FMN2: variants seen among roughly 807,000 people sequenced by gnomAD.
FMN2 encodes formin-2.
FMN2 carries 51 observed loss-of-function variants against 142.3 expected under a neutral mutation model. The ratio of observed to expected loss-of-function variants is 0.36; its 90% CI spans 0.29 to 0.45. FMN2 has a LOEUF of 0.45. FMN2 is among the 20% of genes least tolerant of loss of function. FMN2 has a pLI of 1.00. For synonymous variants in FMN2, 882 were observed against 869.8 expected (o/e 1.01, Z -0.25); for missense variants, 1,936 against 2,122.8 (o/e 0.91, Z 1.73).
Position 240,207,073 on chromosome 1 carries a change from T to A in FMN2, c.2261T>A (p.Val754Glu), listed in dbSNP as rs748864588. ...IQTSPTEEGG[V>E]LTLPPVDGLP... The stretch of plus-strand genomic sequence containing the variant: ...ACTTCCCCCACGGAAGAGGGCGGGG[T>A]GCTGACACTGCCTCCTGTGGATGGG... The change falls in exon 5 of 18, where the codon GTG becomes GAG. Residue 754 changes from valine (V) to glutamate (E), a missense_variant. Coordinates refer to ENST00000319653, the MANE Select transcript of FMN2 (RefSeq NM_020066.5). The A allele has an allele frequency of 2.5e-6, 4 of 1,614,038 alleles. No homozygotes were observed. In the Admixed American group the frequency reaches 6.7e-5, roughly 27 times the overall value.
chr1:240,320,529 C>T (rs147620390), intron 8 of FMN2, among the ~76,000 whole-genome samples: 1 of 152,158 alleles, frequency 6.6e-6, no homozygotes, highest in Non-Finnish European at 1.5e-5. Flanking sequence ...GACCTGGGAC[C>T]GATAGCTAAA....
intron 6 of FMN2, among the ~76,000 whole-genome samples, chr1:240,242,077 C>T (rs1011795033): frequency 6.6e-6 from 1 of 152,032 alleles, no homozygotes; most frequent in Admixed American, 6.6e-5. Flanking sequence ...GATCTCCTGA[C>T]CTCGTGATCC....
chr1:240,306,358 C>A (rs1046677863), intron 8 of FMN2, among the ~76,000 whole-genome samples: 1 of 152,144 alleles, frequency 6.6e-6, no homozygotes, highest in African/African-American at 2.4e-5. Context: ...GTTTGGGCTT[C>A]CGTTAATCCC....
intron 7 of FMN2, among the ~76,000 whole-genome samples, chr1:240,288,997 C>T (rs909983913): frequency 2.0e-5 from 3 of 152,164 alleles, no homozygotes; most frequent in Non-Finnish European, 4.4e-5. Context: ...CTGAGCTGCA[C>T]CTGGATTTGT....
chr1:240,460,455 G>A (rs367924588), intron 16 of FMN2, among the ~76,000 whole-genome samples: 3 of 152,058 alleles, frequency 2.0e-5, no homozygotes, highest in African/African-American at 7.2e-5. Context: ...AGCTGGGCGT[G>A]GTGGCAGGTG....
At chr1:240,142,779 A>C in intron 2 of FMN2, 13 of 1,592,110 alleles carry the variant, frequency 8.2e-6, no homozygotes, top group Non-Finnish European at 1.1e-5. Context: ...GGCCAACGAC[A>C]CTGGGGTTGT....
At position 240,093,201 on chromosome 1, in the gene FMN2, G is replaced by A; in HGVS notation, c.1092G>A (p.Glu364=). Residue 364 remains glutamate, a synonymous_variant, in exon 1 of 18, where the codon GAG becomes GAA. Coordinates refer to ENST00000319653, the MANE Select transcript of FMN2 (RefSeq NM_020066.5). ...FEDAPRGSPG[E]EWAPEVGEDA... is the part of the protein sequence containing the mutation. ...ATGCGCCCCGGGGCTCTCCGGGGGA[G>A]GAGTGGGCCCCGGAGGTGGGAGAGG... 1 of 1,492,758 alleles carries A rather than the reference G, an allele frequency of 6.7e-7. No individual in the cohort carries two copies. Among genetic ancestry groups the A allele is most frequent in the Non-Finnish European group, 8.9e-7 (1 of 1,122,766 alleles). The allele number at this position is 1,492,758 out of a possible 1,614,324, so 92.5% of individuals were successfully genotyped here.
rs140432274 is a variant in FMN2, at chr1:240,257,183, A to G, written c.4066-762A>G. Among the ~76,000 whole-genome samples the G allele has an allele frequency of 1.5e-3, 227 of 152,296 alleles. 1 individual carries two copies. The highest frequency in any genetic ancestry group is 5.3e-3 in the African/African-American group (219 of 41,558). ...CTGGTGATGCTGTTGTCTGGAAAAC[A>G]TGGTCAAAAAATATCTATCTGTTCT... On this transcript the variant is annotated intron_variant, in intron 6 of 17. Transcript: ENST00000319653.
intron 15 of FMN2, among the ~76,000 whole-genome samples, chr1:240,424,074 G>A (rs929339547): frequency 5.9e-5 from 9 of 152,186 alleles, no homozygotes; most frequent in African/African-American, 2.2e-4. Context: ...CTTTCAGCAT[G>A]TCTCTTTGCT....
chr1:240,232,222 A>C (rs1667550084), intron 6 of FMN2, among the ~76,000 whole-genome samples: 1 of 149,450 alleles, frequency 6.7e-6, no homozygotes, highest in Non-Finnish European at 1.5e-5. Flanking sequence ...GGCACCAGGC[A>C]CACACCAACC....
intron 3 of FMN2, among the ~76,000 whole-genome samples, chr1:240,187,935 G>A (rs1375838140): frequency 1.3e-5 from 2 of 152,096 alleles, no homozygotes; most frequent in African/African-American, 4.8e-5. Context: ...TTAGAAACTA[G>A]CAATCGAGAC....
intron 15 of FMN2, among the ~76,000 whole-genome samples, chr1:240,414,027 A>T (rs1339134460): frequency 2.6e-5 from 4 of 152,258 alleles, no homozygotes; most frequent in African/African-American, 9.6e-5. Context: ...GAACATTTTT[A>T]AAATGCCAAA....
intron 1 of FMN2, among the ~76,000 whole-genome samples, chr1:240,103,841 C>A (rs533598297): frequency 2.6e-5 from 4 of 152,062 alleles, no homozygotes; most frequent in Non-Finnish European, 5.9e-5. Context: ...AGTTTAAATT[C>A]TTTACTATGT....
intron 2 of FMN2, chr1:240,170,818 TC>T (rs1664672369): frequency 5.8e-6 from 5 of 864,980 alleles, no homozygotes; most frequent in Admixed American, 1.7e-5. Context: ...GGCTGGTGCA[TC>T]CCGGATCATT....
At chr1:240,122,807 A>G (rs749749556) in intron 1 of FMN2, among the ~76,000 whole-genome samples, 24 of 152,028 alleles carry the variant, frequency 1.6e-4, no homozygotes, top group Non-Finnish European at 2.9e-4. Context: ...AAATCTAGCC[A>G]CTCAGGAGGC....
At chr1:240,168,846 G>GT (rs1241134296) in intron 2 of FMN2, among the ~76,000 whole-genome samples, 3 of 152,078 alleles carry the variant, frequency 2.0e-5, no homozygotes, top group East Asian at 1.9e-4. Context: ...GAATTTCACT[G>GT]TTTTTTTAAA....
chr1:240,118,581 C>T (rs760740392), intron 1 of FMN2, among the ~76,000 whole-genome samples: 1 of 152,158 alleles, frequency 6.6e-6, no homozygotes, highest in Non-Finnish European at 1.5e-5. Context: ...TGGGAACCCA[C>T]TGGAGAGTTT....
intron 2 of FMN2, among the ~76,000 whole-genome samples, chr1:240,160,553 TA>T (rs1467435825): frequency 6.6e-6 from 1 of 151,378 alleles, no homozygotes; most frequent in African/African-American, 2.4e-5. Flanking sequence ...AAGTGTTTGA[TA>T]AACTGTATCA....
At chr1:240,285,245 C>A (rs1363061335) in intron 7 of FMN2, 2 of 454,846 alleles carry the variant, frequency 4.4e-6, no homozygotes, top group Non-Finnish European at 8.8e-6. Context: ...GAAGCCAACA[C>A]GATTCATGAT....
Sources: gnomAD v4.1 joint callset for allele counts (sites outside exome capture counted in the v4.1 genomes callset) on GRCh38, gnomAD v4.1.1 for gene constraint, MANE v1.5 for transcripts, NCBI Gene and HGNC (gene_info 2026-07-23, HGNC 2026-07-21) for gene names.